Variants in TNNI3K observed in about 807,000 individuals in gnomAD.
TNNI3K encodes the protein TNNI3 interacting kinase, also known as serine/threonine-protein kinase TNNI3K.
A neutral mutation model predicts 114.5 loss-of-function variants in TNNI3K; 140 were observed. The ratio of observed to expected loss-of-function variants is 1.22; its 90% CI spans 1.07 to 1.41. The LOEUF (loss-of-function observed/expected upper bound fraction) is 1.41, where lower values mean the gene tolerates loss of function less well. Among genes scored for constraint, TNNI3K ranks in the 40% most tolerant of loss-of-function variants. The pLI, the probability that TNNI3K is intolerant of heterozygous loss-of-function variation, is 0.00. For missense variants in TNNI3K, 1,125 were observed against 1,007.6 expected (o/e 1.12, Z -1.58); for synonymous variants, 347 against 347.5 (o/e 1.00, Z 0.02).
intron 5 of TNNI3K, among the ~76,000 whole-genome samples, chr1:74,325,866 G>A (rs768167696): frequency 2.0e-5 from 3 of 152,114 alleles, no homozygotes; most frequent in Non-Finnish European, 4.4e-5. Context: ...ATGTCTTTAG[G>A]ATCATTTTGA....
At position 74,449,430 on chromosome 1, in the gene TNNI3K, A is replaced by AT. The variant is rs1365185994; in HGVS notation, c.2011+9814dup. On this transcript the variant is annotated intron_variant, in intron 20 of 24. Coordinates refer to ENST00000326637, the MANE Select transcript of TNNI3K (RefSeq NM_015978.3). The stretch of plus-strand genomic sequence containing the variant: ...AAAAAACCAGCTCCTGGATTCATTG[A>AT]TTTTTTGAATGGTTTTTTGTGTCTC... Among the ~76,000 whole-genome samples, 12 of 152,016 alleles carry AT rather than the reference A, an allele frequency of 7.9e-5. No individual in the cohort carries two copies. The East Asian group carries it at 2.1e-3, about 27-fold the overall frequency.
intron 20 of TNNI3K, among the ~76,000 whole-genome samples, chr1:74,454,925 AGG>A (rs988108073): frequency 1.3e-5 from 2 of 152,246 alleles, no homozygotes; most frequent in African/African-American, 4.8e-5. Flanking sequence ...CTACTTCAAA[AGG>A]TTAGAGCAGT....
chr1:74,474,169 G>T (rs1668071066), intron 21 of TNNI3K, among the ~76,000 whole-genome samples: 4 of 152,236 alleles, frequency 2.6e-5, no homozygotes, highest in South Asian at 2.1e-4. Flanking sequence ...AGTTATAGGA[G>T]TTTCCCACAG....
At chr1:74,242,324 A>G (rs1654286868) in intron 2 of TNNI3K, among the ~76,000 whole-genome samples, 6 of 152,162 alleles carry the variant, frequency 3.9e-5, no homozygotes, top group Admixed American at 6.5e-5. Flanking sequence ...AATAGTCACA[A>G]TGTATAGAGG....
At chr1:74,505,988 C>T (rs1311962891) in intron 23 of TNNI3K, among the ~76,000 whole-genome samples, 3 of 152,162 alleles carry the variant, frequency 2.0e-5, no homozygotes, top group South Asian at 2.1e-4. Context: ...AAAATGAAAT[C>T]ACTTTTTGTT....
chr1:74,286,997 T>C lies in TNNI3K; in HGVS notation c.444+15289T>C, dbSNP rs143636795. 7.7e-3 allele frequency among the ~76,000 whole-genome samples: 1,153 copies of C among 150,608 alleles called. 14 individuals carry two copies. The highest frequency in any genetic ancestry group is 0.026 in the African/African-American group (1,054 of 40,974). ...AGATATCAGAAGTTCAACAAAGAGGTAGAAACCATAAAAAGAAATCAATCA... is the reference window on the plus strand; with the variant it reads ...AGATATCAGAAGTTCAACAAAGAGGCAGAAACCATAAAAAGAAATCAATCA... On this transcript the variant is annotated intron_variant, in intron 5 of 24. Coordinates refer to ENST00000326637, the MANE Select transcript of TNNI3K (RefSeq NM_015978.3).
intron 11 of TNNI3K, among the ~76,000 whole-genome samples, chr1:74,362,251 A>G (rs1293628496): frequency 6.6e-6 from 1 of 152,242 alleles, no homozygotes; most frequent in East Asian, 1.9e-4. Flanking sequence ...AAAATATTGA[A>G]CAAAGCCTAA....
At chr1:74,273,048 TAC>T (rs753525152) in intron 5 of TNNI3K, among the ~76,000 whole-genome samples, 2 of 151,912 alleles carry the variant, frequency 1.3e-5, no homozygotes, top group Non-Finnish European at 2.9e-5. Flanking sequence ...TCTTCACTAA[TAC>T]ACACACATAT....
chr1:74,366,384 A>AT (rs573370636), intron 11 of TNNI3K, among the ~76,000 whole-genome samples: 129 of 151,980 alleles, frequency 8.5e-4, no homozygotes, highest in Non-Finnish European at 1.6e-3. Context: ...ATCATTTGGC[A>AT]TTTTTTATCC....
intron 20 of TNNI3K, among the ~76,000 whole-genome samples, chr1:74,453,464 C>A (rs924213472): frequency 2.0e-5 from 3 of 152,058 alleles, no homozygotes; most frequent in African/African-American, 4.8e-5. Context: ...CAACGAGGAA[C>A]GAATCCATGA....
rs752968636 is a variant in TNNI3K, at chr1:74,271,646, C to T, written c.382C>T (p.Gln128Ter). The change falls in exon 5 of 25, where the codon CAG (glutamine) becomes TAG (stop). Residue 128 changes from glutamine (Q) to a stop codon, truncating the protein, a stop_gained. Transcript: ENST00000326637. LOFTEE classifies it high-confidence loss of function. ...TCTGCTTCACAGTGGAGCTGATATA[C>T]AGCAGGTTGGATACGGTGGCCTCAC... ...TSLLHSGADI[Q>*]QVGYGGLTAL... 2.5e-6 allele frequency: 4 copies of T among 1,609,588 alleles called. No homozygotes were observed. The East Asian group carries it at 6.7e-5, about 27-fold the overall frequency.
In TNNI3K at chr1:74,493,378, A is replaced by G. The variant is rs1570696733; in HGVS notation, c.2351+1112A>G. On this transcript the variant is annotated intron_variant, in intron 23 of 24. Coordinates refer to ENST00000326637, the MANE Select transcript of TNNI3K (RefSeq NM_015978.3). The stretch of plus-strand genomic sequence containing the variant: ...TGCTATGTGAACTTTACCTCGATGA[A>G]AACAGAAGCAAAAACAAAAAGATTA... Among the ~76,000 whole-genome samples the G allele has an allele frequency of 2.0e-5, 3 of 152,208 alleles. No individual in the cohort carries two copies. In the East Asian group the frequency reaches 5.8e-4, roughly 29 times the overall value.
At chr1:74,425,186 G>A (rs907304574) in intron 17 of TNNI3K, among the ~76,000 whole-genome samples, 5 of 152,108 alleles carry the variant, frequency 3.3e-5, no homozygotes, top group Non-Finnish European at 5.9e-5. Context: ...TGATTAGAGG[G>A]ATAAAGTGAA....
chr1:74,442,424 G>A (rs1159570489), intron 20 of TNNI3K, among the ~76,000 whole-genome samples: 1 of 151,826 alleles, frequency 6.6e-6, no homozygotes, highest in Admixed American at 6.6e-5. Flanking sequence ...TTGTTAAAAA[G>A]GCTCTGGCCA....
chr1:74,342,813 CA>C, intron 7 of TNNI3K, 28 bp from the exon 8 acceptor site: 1 of 1,612,130 alleles, frequency 6.2e-7, no homozygotes, highest in Non-Finnish European at 8.5e-7. Context: ...TTCTAGATAA[CA>C]TATCTTTTTC....
At chr1:74,370,254 T>C in intron 16 of TNNI3K, 34 bp from the exon 17 acceptor site, 2 of 1,539,406 alleles carry the variant, frequency 1.3e-6, no homozygotes, top group South Asian at 2.5e-5. Flanking sequence ...GTTTTGACCA[T>C]TTCATCTCTG....
At chr1:74,242,097 C>T (rs1296597395) in intron 2 of TNNI3K, among the ~76,000 whole-genome samples, 1 of 152,108 alleles carries the variant, frequency 6.6e-6, no homozygotes, top group Non-Finnish European at 1.5e-5. Flanking sequence ...GATCTGCCCA[C>T]CTTGGCCTCC....
At chr1:74,331,780 A>C (rs1298571967) in intron 6 of TNNI3K, among the ~76,000 whole-genome samples, 4 of 152,194 alleles carry the variant, frequency 2.6e-5, no homozygotes, top group African/African-American at 9.7e-5. Context: ...GTACATTGGT[A>C]AGTGTGTGGC....
intron 17 of TNNI3K, among the ~76,000 whole-genome samples, chr1:74,409,492 C>CTTTTTTTTTTTT (rs540218540): frequency 4.0e-5 from 5 of 124,912 alleles, no homozygotes; most frequent in Admixed American, 8.1e-5. Context: ...CTATTTGTTT[C>CTTTTTTTTTTTT]TTTTTTTTTT....
Sources: gnomAD v4.1 joint callset for allele counts (sites outside exome capture counted in the v4.1 genomes callset) on GRCh38, gnomAD v4.1.1 for gene constraint, MANE v1.5 for transcripts, NCBI Gene and HGNC (gene_info 2026-07-23, HGNC 2026-07-21) for gene names.